KIF5B: variants seen among roughly 807,000 people sequenced by gnomAD.
KIF5B encodes the protein kinesin-1 heavy chain.
A neutral mutation model predicts 132.8 loss-of-function variants in KIF5B; 49 were observed. The observed-to-expected ratio is 0.37, with a 90% confidence interval of 0.29 to 0.47. The LOEUF (loss-of-function observed/expected upper bound fraction) is 0.47. KIF5B is among the 20% of genes least tolerant of loss of function. KIF5B has a pLI of 1.00. For missense variants in KIF5B, 780 were observed against 1,144.0 expected (o/e 0.68, Z 4.59); for synonymous variants, 355 against 369.4 (o/e 0.96, Z 0.45).
chr10:32,028,561 G>A lies in KIF5B; in HGVS notation c.1592C>T (p.Ala531Val), dbSNP rs764881107. The change falls in exon 15 of 26, where the codon GCG becomes GTG. Residue 531 changes from alanine (A) to valine (V), a missense_variant. Around this residue, in one of 9 missense-constraint regions of KIF5B, gnomAD observed 471 missense variants for 569.9 expected, o/e 0.83. Coordinates refer to ENST00000302418, the MANE Select transcript of KIF5B (RefSeq NM_004521.3). ...DELNQKSATL[A>V]SIDAELQKLK... ...TTTCTGAAGCTCAGCATCTATACTC[G>A]CTAAAGTTGCCTAAGAGAACCCAAA... The A allele has an allele frequency of 6.2e-6, 10 of 1,608,246 alleles. No individual in the cohort carries two copies. The highest frequency in any genetic ancestry group is 1.3e-5 in the African/African-American group (1 of 74,576).
At chr10:32,023,228 TC>T (rs1181513393) in intron 15 of KIF5B, among the ~76,000 whole-genome samples, 192 bp from the exon 16 acceptor site, 1 of 152,170 alleles carries the variant, frequency 6.6e-6, no homozygotes, top group African/African-American at 2.4e-5. Flanking sequence ...CTTTTTGCCT[TC>T]CTTTTTTTAA....
chr10:32,015,611 G>A lies in KIF5B; in HGVS notation c.2810C>T (p.Pro937Leu). The change falls in exon 25 of 26, where the codon CCA becomes CTA. Residue 937 changes from proline to leucine, a missense_variant. Physicochemically the swap from Pro to Leu is moderately conservative, Grantham distance 98 (BLOSUM62 -3). Transcript: ENST00000302418. Reference sequence around the variant, plus strand: ...TGCACCTCCTCCACGAATTGCACTTGGGTGAGTTGGAGAAGCTGCTGGATG... The same window carrying A: ...TGCACCTCCTCCACGAATTGCACTTAGGTGAGTTGGAGAAGCTGCTGGATG... ...GQHPAASPTH[P>L]SAIRGGGAFV... 6.2e-7 allele frequency: 1 copy of A among 1,613,742 alleles called. No individual in the cohort carries two copies. Among genetic ancestry groups the A allele is most frequent in the Non-Finnish European group, 8.5e-7 (1 of 1,179,722 alleles).
At chr10:32,022,785 T>A in intron 16 of KIF5B, 63 bp downstream of exon 16, 2 of 1,236,724 alleles carry the variant, frequency 1.6e-6, no homozygotes, top group Non-Finnish European at 2.3e-6. Flanking sequence ...AAAACTTGTA[T>A]AATAAATAAA....
intron 20 of KIF5B, among the ~76,000 whole-genome samples, chr10:32,018,975 T>A (rs1841220802): frequency 6.6e-6 from 1 of 151,722 alleles, no homozygotes; most frequent in Non-Finnish European, 1.5e-5. Flanking sequence ...AGATTATGGG[T>A]GTGAGCCACT....
intron 1 of KIF5B, among the ~76,000 whole-genome samples, chr10:32,052,120 C>T (rs765031160): frequency 6.6e-6 from 1 of 152,120 alleles, no homozygotes; most frequent in Non-Finnish European, 1.5e-5. Context: ...GAGTATGCAC[C>T]GACCAGACTG....
At chr10:32,012,763 G>A (rs1174384707) in intron 25 of KIF5B, among the ~76,000 whole-genome samples, 1 of 152,134 alleles carries the variant, frequency 6.6e-6, no homozygotes, top group Non-Finnish European at 1.5e-5. Context: ...ATTTTAATGT[G>A]AGGACAATAT....
intron 1 of KIF5B, among the ~76,000 whole-genome samples, chr10:32,050,122 T>A (rs1841672677): frequency 1.3e-5 from 2 of 152,116 alleles, no homozygotes; most frequent in East Asian, 3.8e-4. Context: ...AAAACAATCA[T>A]GACCCCAGAA....
chr10:32,024,083 C>T (rs1244537165), intron 15 of KIF5B, among the ~76,000 whole-genome samples: 1 of 126,094 alleles, frequency 7.9e-6, no homozygotes, highest in African/African-American at 2.9e-5. Context: ...AAAAACAAGA[C>T]ACAGAGAAAT....
rs1280770976 is a variant in KIF5B, at chr10:32,035,659, A to T, written c.825T>A (p.Val275=). The T allele has an allele frequency of 6.2e-7, 1 of 1,603,888 alleles. No homozygotes were observed. Among genetic ancestry groups the T allele is most frequent in the Non-Finnish European group, 8.5e-7 (1 of 1,176,686 alleles). The change falls in exon 10 of 26, where the codon GTT becomes GTA. Residue 275 remains valine, a synonymous_variant. Transcript: ENST00000302418. ...TTGTCATTTTACTATCTCGATATGG[A>T]ACATATGTCTGCATACAAAAACAAA... The part of the protein sequence containing the change: ...ISALAEGSTY[V]PYRDSKMTRI...
At chr10:32,031,019 G>T in intron 14 of KIF5B, 54 bp downstream of exon 14, 1 of 1,272,434 alleles carries the variant, frequency 7.9e-7, no homozygotes, top group South Asian at 1.3e-5. Context: ...GTAGTTTTTA[G>T]GTTAAGAATA....
chr10:32,054,505 C>T (rs1043760246), intron 1 of KIF5B, among the ~76,000 whole-genome samples: 2 of 152,220 alleles, frequency 1.3e-5, no homozygotes, highest in Admixed American at 6.5e-5. Context: ...GAAACTTTCA[C>T]ATCAAAACCC....
At chr10:32,041,802 T>A (rs1405971665) in intron 2 of KIF5B, among the ~76,000 whole-genome samples, 7 of 152,016 alleles carry the variant, frequency 4.6e-5, no homozygotes, top group Non-Finnish European at 7.4e-5. Context: ...CTAAAAAAAA[T>A]TTTGTAGAGA....
At chr10:32,041,261 A>C (rs1338247780) in intron 2 of KIF5B, among the ~76,000 whole-genome samples, 1 of 151,614 alleles carries the variant, frequency 6.6e-6, no homozygotes, top group Non-Finnish European at 1.5e-5. Flanking sequence ...AGGATTTATA[A>C]AGACATTAAA....
chr10:32,045,476 G>A (rs1196431584), intron 2 of KIF5B, among the ~76,000 whole-genome samples: 1 of 152,144 alleles, frequency 6.6e-6, no homozygotes, highest in Non-Finnish European at 1.5e-5. Flanking sequence ...AGGTTTATGT[G>A]GATAGTACGA....
chr10:32,012,898 A>T (rs1234503637), intron 25 of KIF5B, among the ~76,000 whole-genome samples: 1 of 146,138 alleles, frequency 6.8e-6, no homozygotes, highest in Non-Finnish European at 1.5e-5. Context: ...TAACTCATGT[A>T]ATTTTTTTTT....
chr10:32,031,088 T>C lies in KIF5B; in HGVS notation c.1566A>G (p.Glu522=). The change falls in exon 14 of 26, where the codon GAA becomes GAG. Residue 522 remains glutamate, a synonymous_variant. Coordinates refer to ENST00000302418, the MANE Select transcript of KIF5B (RefSeq NM_004521.3). ...KTKEYELLSD[E]LNQKSATLAS... ...TATATCCTACCGATTTCTGATTCAATTCATCACTAAGCAATTCATATTCCT... is the reference window on the plus strand; with the variant it reads ...TATATCCTACCGATTTCTGATTCAACTCATCACTAAGCAATTCATATTCCT... 1 of 1,610,896 alleles carries C rather than the reference T, an allele frequency of 6.2e-7. No homozygotes were observed. The highest frequency in any genetic ancestry group is 1.3e-5 in the African/African-American group (1 of 74,998).
rs1264774523 is a variant in KIF5B at position 32,056,204 on chromosome 10, G to A, written c.-231C>T. The A allele has an allele frequency of 5.9e-6, 3 of 506,158 alleles. No individual in the cohort carries two copies. Among genetic ancestry groups the A allele is most frequent in the Admixed American group, 4.1e-5 (1 of 24,492 alleles). The allele number at this position is 506,158 out of a possible 1,614,324, so 31.4% of individuals were successfully genotyped here. On this transcript the variant is annotated 5_prime_UTR_variant, in exon 1 of 26. Transcript: ENST00000302418. ...TCCGATCCATCATGGCAGCCATGGC[G>A]GCGGCAGCGGCGGCGGCACCGGGGA...
intron 8 of KIF5B, 117 bp downstream of exon 8, chr10:32,037,137 A>AGTTT: frequency 7.9e-6 from 7 of 882,786 alleles, no homozygotes; most frequent in Non-Finnish European, 1.0e-5. Flanking sequence ...TACAAATCTC[A>AGTTT]GGTTACCAAA....
intron 2 of KIF5B, among the ~76,000 whole-genome samples, chr10:32,048,163 G>C (rs758903538): frequency 9.2e-5 from 14 of 152,034 alleles, no homozygotes; most frequent in Non-Finnish European, 1.5e-4. Flanking sequence ...TCTCTTTCTA[G>C]AACTGCCACC....
Sources: allele counts gnomAD v4.1 joint callset (sites outside exome capture counted in the v4.1 genomes callset), GRCh38; gene constraint gnomAD v4.1.1; regional missense constraint gnomAD v4.1.1; transcripts MANE v1.5; gene names NCBI Gene and HGNC (gene_info 2026-07-23, HGNC 2026-07-21).